CACNA2D1: variants seen among roughly 807,000 people sequenced by gnomAD.
CACNA2D1 encodes the protein voltage-dependent calcium channel subunit alpha-2/delta-1.
CACNA2D1 carries 53 observed loss-of-function variants against 171.5 expected under a neutral mutation model. The observed-to-expected ratio is 0.31, with a 90% CI of 0.25 to 0.39. The LOEUF (loss-of-function observed/expected upper bound fraction) is 0.39, where lower values mean the gene tolerates loss of function less well. Among genes scored for constraint, CACNA2D1 ranks in the 10% least tolerant of loss-of-function variants. The pLI is 1.00. For synonymous variants in CACNA2D1, 442 were observed against 443.1 expected (o/e 1.00, Z 0.03); for missense variants, 903 against 1,299.8 (o/e 0.69, Z 4.69).
intron 6 of CACNA2D1, among the ~76,000 whole-genome samples, chr7:82,116,331 G>A (rs753319889): frequency 3.9e-5 from 6 of 152,178 alleles, no homozygotes; most frequent in Non-Finnish European, 8.8e-5. Flanking sequence ...GCTCTGCTCT[G>A]ATTAATGCAA....
intron 4 of CACNA2D1, among the ~76,000 whole-genome samples, chr7:82,141,110 T>G (rs1938733263): frequency 6.6e-6 from 1 of 152,138 alleles, no homozygotes; most frequent in Non-Finnish European, 1.5e-5. Context: ...TCAATTCATT[T>G]AAAGCTATCT....
At chr7:82,430,177 G>A (rs1829553081) in intron 1 of CACNA2D1, among the ~76,000 whole-genome samples, 1 of 152,074 alleles carries the variant, frequency 6.6e-6, no homozygotes, top group Non-Finnish European at 1.5e-5. Flanking sequence ...AACACTTTGG[G>A]AAGCCGAGGC....
At chr7:82,110,771 A>G (rs1467508979) in intron 6 of CACNA2D1, among the ~76,000 whole-genome samples, 4 of 152,190 alleles carry the variant, frequency 2.6e-5, no homozygotes, top group Admixed American at 6.5e-5. Flanking sequence ...GACTTCAATT[A>G]CAAAATTGCC....
intron 6 of CACNA2D1, among the ~76,000 whole-genome samples, chr7:82,088,444 T>G (rs1810742487): frequency 6.6e-6 from 1 of 152,162 alleles, no homozygotes; most frequent in Non-Finnish European, 1.5e-5. Flanking sequence ...GAACTCTGAT[T>G]TACTGAAGTT....
intron 3 of CACNA2D1, among the ~76,000 whole-genome samples, chr7:82,301,797 T>G (rs1489136590): frequency 1.4e-5 from 2 of 147,550 alleles, no homozygotes; most frequent in African/African-American, 5.3e-5. Flanking sequence ...ACAGAGGCTC[T>G]CCCAGGCTGG....
At chr7:82,419,868 C>A (rs1045793470) in intron 1 of CACNA2D1, among the ~76,000 whole-genome samples, 1 of 152,118 alleles carries the variant, frequency 6.6e-6, no homozygotes, top group Non-Finnish European at 1.5e-5. Flanking sequence ...TTTTCAACCC[C>A]GGGTGATTTT....
chr7:82,338,700 G>C (rs772322385), intron 2 of CACNA2D1, among the ~76,000 whole-genome samples: 6 of 152,164 alleles, frequency 3.9e-5, no homozygotes, highest in Admixed American at 6.6e-5. Context: ...CCAATGTCTA[G>C]AGCAGCCGAA....
intron 16 of CACNA2D1, 51 bp downstream of exon 16, chr7:82,007,628 A>G (rs1482083361): frequency 4.2e-6 from 4 of 952,950 alleles, no homozygotes; most frequent in Admixed American, 1.9e-5. Context: ...TTGAGCTTCA[A>G]CGTCACAGTT....
intron 1 of CACNA2D1, among the ~76,000 whole-genome samples, chr7:82,383,679 T>G (rs192159164): frequency 6.6e-6 from 1 of 152,362 alleles, no homozygotes; most frequent in African/African-American, 2.4e-5. Flanking sequence ...TTTAATGCTT[T>G]TGGTTTATCA....
intron 3 of CACNA2D1, among the ~76,000 whole-genome samples, chr7:82,279,639 C>A (rs2129370252): frequency 6.6e-6 from 1 of 152,294 alleles, no homozygotes; most frequent in African/African-American, 2.4e-5. Context: ...TATCCAGTCT[C>A]TTCTTCTAAC....
At chr7:81,995,083 G>A in intron 19 of CACNA2D1, 144 bp from the exon 20 acceptor site, 1 of 549,754 alleles carries the variant, frequency 1.8e-6, no homozygotes, top group Non-Finnish European at 3.3e-6. Context: ...ACCAGTATCT[G>A]CAGTTGTTCT....
At position 82,090,152 on chromosome 7, in the gene CACNA2D1, TC is replaced by T. The variant is rs370375476; in HGVS notation, c.527-5253del. ...GTTGGGGGAATTAATTTAAGATCTA[TC>T]CCTCCTAGAAAATTACAATACAATA... is the stretch of plus-strand genomic sequence containing the variant. On this transcript the variant is annotated intron_variant, in intron 6 of 38. Coordinates refer to ENST00000356860, the MANE Select transcript of CACNA2D1 (RefSeq NM_000722.4). Among the ~76,000 whole-genome samples the T allele has an allele frequency of 1.9e-3, 287 of 152,214 alleles. 3 individuals carry two copies. Among genetic ancestry groups the T allele is most frequent in the East Asian group, 0.015 (77 of 5,174 alleles).
intron 3 of CACNA2D1, among the ~76,000 whole-genome samples, chr7:82,251,664 T>A (rs1315414391): frequency 6.6e-6 from 1 of 152,222 alleles, no homozygotes; most frequent in Non-Finnish European, 1.5e-5. Context: ...TGATTTGATG[T>A]TATTATGCCC....
At chr7:82,089,476 A>C (rs1810875279) in intron 6 of CACNA2D1, among the ~76,000 whole-genome samples, 1 of 152,186 alleles carries the variant, frequency 6.6e-6, no homozygotes, top group African/African-American at 2.4e-5. Flanking sequence ...CTTGGAAATC[A>C]AACCTTGACT....
intron 3 of CACNA2D1, among the ~76,000 whole-genome samples, chr7:82,326,345 GT>G (rs1816645578): frequency 6.6e-6 from 1 of 152,118 alleles, no homozygotes; most frequent in Non-Finnish European, 1.5e-5. Context: ...TAAAGTCACA[GT>G]TTCCAAAAAC....
chr7:82,362,302 A>G (rs1037594018), intron 1 of CACNA2D1, among the ~76,000 whole-genome samples: 11 of 152,174 alleles, frequency 7.2e-5, no homozygotes, highest in Admixed American at 2.6e-4. Flanking sequence ...CGTAGATTTC[A>G]ACAAGCAGTT....
At chr7:82,046,005 C>T (rs1372940550) in intron 10 of CACNA2D1, among the ~76,000 whole-genome samples, 10 of 152,146 alleles carry the variant, frequency 6.6e-5, no homozygotes, top group Non-Finnish European at 8.8e-5. Context: ...ATATTCTTCA[C>T]AACTGTCTTC....
In CACNA2D1 at chr7:82,211,872, TTTTTGTTTTG is replaced by T. The variant is rs532561661; in HGVS notation, c.295-41273_295-41264del. ...TCTCTGCAACCTCACCAAACACCTGTTTTTGTTTTGTTTTGTTTTGTTTTGTTTTGTTTAA... is the reference window on the plus strand; with the variant it reads ...TCTCTGCAACCTCACCAAACACCTGTTTTTGTTTTGTTTTGTTTTGTTTAA... On this transcript the variant is annotated intron_variant, in intron 3 of 38. Coordinates refer to ENST00000356860, the MANE Select transcript of CACNA2D1 (RefSeq NM_000722.4). Among the ~76,000 whole-genome samples, 280 of 152,142 alleles carry T rather than the reference TTTTTGTTTTG, an allele frequency of 1.8e-3. 3 individuals carry two copies. The highest frequency in any genetic ancestry group is 5.9e-3 in the African/African-American group (244 of 41,514).
chr7:82,200,447 G>T (rs1487600986), intron 3 of CACNA2D1, among the ~76,000 whole-genome samples: 2 of 151,754 alleles, frequency 1.3e-5, no homozygotes, highest in Non-Finnish European at 2.9e-5. Context: ...TACTTAAAAA[G>T]GATATTTCTA....
Sources: allele counts gnomAD v4.1 joint callset (sites outside exome capture counted in the v4.1 genomes callset), GRCh38; gene constraint gnomAD v4.1.1; transcripts MANE v1.5; gene names NCBI Gene and HGNC (gene_info 2026-07-23, HGNC 2026-07-21).